The following RLIG1 variants were observed in gnomAD, a reference collection of about 807,000 sequenced individuals.
RLIG1 encodes RNA ligase 1.
the RLIG1 span, chr12:88,049,640 C>CTT: frequency 2.7e-6 from 1 of 367,478 alleles, no homozygotes; most frequent in Non-Finnish European, 4.9e-6. Context: ...GTGTTCTAGT[C>CTT]TTTGACTAAA....
At chr12:88,046,854 G>A in the RLIG1 span, 5 of 1,612,832 alleles carry the variant, frequency 3.1e-6, no homozygotes, top group Admixed American at 1.7e-5. Flanking sequence ...ACCACATGGA[G>A]CATTTCAAAT....
chr12:88,040,029 A>G, the RLIG1 span: 2 of 694,278 alleles, frequency 2.9e-6, no homozygotes, highest in Non-Finnish European at 5.2e-6. Context: ...TCATTCTGAA[A>G]GATGAACTGG....
At chr12:88,035,589 G>C in the RLIG1 span, 1 of 1,532,032 alleles carries the variant, frequency 6.5e-7, no homozygotes, top group Non-Finnish European at 8.9e-7. Context: ...GCTTCTCCGC[G>C]ACTGGACCGG....
At chr12:88,036,869 T>C in the RLIG1 span, among the ~76,000 whole-genome samples, 1 of 152,262 alleles carries the variant, frequency 6.6e-6, no homozygotes, top group East Asian at 1.9e-4. Flanking sequence ...ATGTAATCCA[T>C]ATGAAACATT....
the RLIG1 span, chr12:88,035,545 G>A: frequency 1.8e-5 from 22 of 1,214,982 alleles, 1 homozygote; most frequent in South Asian, 6.5e-5. Flanking sequence ...CGCGGAGTGT[G>A]CGTGGCCTGA....
the RLIG1 span, among the ~76,000 whole-genome samples, chr12:88,040,863 G>C: frequency 6.6e-6 from 1 of 152,002 alleles, no homozygotes; most frequent in Non-Finnish European, 1.5e-5. Context: ...AATAGCATCT[G>C]GACACATTCC....
At chr12:88,043,588 A>G in the RLIG1 span, 1 of 1,560,850 alleles carries the variant, frequency 6.4e-7, no homozygotes, top group Non-Finnish European at 8.7e-7. Flanking sequence ...TATCTTTTTA[A>G]TATTTTTTAG....
At chr12:88,043,422 A>AAAT in the RLIG1 span, among the ~76,000 whole-genome samples, 1 of 152,172 alleles carries the variant, frequency 6.6e-6, no homozygotes, top group Non-Finnish European at 1.5e-5. Flanking sequence ...TTGAATATTT[A>AAAT]AATTGTTAGT....
chr12:88,043,181 A>C, the RLIG1 span, among the ~76,000 whole-genome samples: 13 of 152,232 alleles, frequency 8.5e-5, no homozygotes, highest in Admixed American at 7.8e-4. Flanking sequence ...TGTGTAAGAG[A>C]CAAATACGTA....
the RLIG1 span, chr12:88,048,159 T>A: frequency 8.6e-7 from 1 of 1,163,488 alleles, no homozygotes; most frequent in Non-Finnish European, 1.1e-6. Flanking sequence ...TGGCAGACAG[T>A]GGGCACTCAA....
At chr12:88,043,370 A>C in the RLIG1 span, among the ~76,000 whole-genome samples, 1 of 152,154 alleles carries the variant, frequency 6.6e-6, no homozygotes, top group Non-Finnish European at 1.5e-5. Flanking sequence ...TGATTACTTT[A>C]GTTTGACTGT....
chr12:88,036,034 C>T, the RLIG1 span: 32 of 1,452,078 alleles, frequency 2.2e-5, no homozygotes, highest in Admixed American at 6.2e-4. Context: ...ATGTCCCTTC[C>T]TTTTCAGGTC....
the RLIG1 span, among the ~76,000 whole-genome samples, chr12:88,046,120 TTAAA>T: frequency 2.6e-5 from 4 of 152,238 alleles, no homozygotes; most frequent in African/African-American, 9.6e-5. Flanking sequence ...TAGCATCAAT[TTAAA>T]TAGCCAACGG....
At chr12:88,037,375 GAGA>G in the RLIG1 span, among the ~76,000 whole-genome samples, 7,768 of 152,148 alleles carry the variant, frequency 0.051, 670 homozygotes, top group African/African-American at 0.18. Context: ...ATGACAGGTG[GAGA>G]AGGAGAACTT....
chr12:88,037,629 G>T, the RLIG1 span, among the ~76,000 whole-genome samples: 1 of 152,252 alleles, frequency 6.6e-6, no homozygotes, highest in African/African-American at 2.4e-5. Flanking sequence ...ATAAGTTAGT[G>T]AAAACCAGTT....
the RLIG1 span, chr12:88,042,097 A>G: frequency 1.3e-5 from 2 of 152,210 alleles, no homozygotes; most frequent in African/African-American, 2.4e-5. Context: ...AAAAGCTACT[A>G]TTGTTCCCTG....
the RLIG1 span, chr12:88,043,774 C>A: frequency 8.6e-7 from 1 of 1,168,208 alleles, no homozygotes. Flanking sequence ...ATCAAAATAT[C>A]CATTCAATCA....
the RLIG1 span, chr12:88,043,597 A>G: frequency 6.3e-7 from 1 of 1,585,788 alleles, no homozygotes; most frequent in South Asian, 1.1e-5. Flanking sequence ...AATATTTTTT[A>G]GAATTTTTTT....
chr12:88,048,434 AATT>A, the RLIG1 span: 2 of 1,287,646 alleles, frequency 1.6e-6, no homozygotes, highest in Non-Finnish European at 1.1e-6. Context: ...ATGCAAATAA[AATT>A]AGTTTATCAT....
Sources: allele counts gnomAD v4.1 joint callset (sites outside exome capture counted in the v4.1 genomes callset), GRCh38; gene constraint gnomAD v4.1.1; transcripts MANE v1.5; gene names NCBI Gene and HGNC (gene_info 2026-07-23, HGNC 2026-07-21).